The following PNPT1 variants were observed in gnomAD, a reference collection of about 807,000 sequenced individuals.
PNPT1 encodes polyribonucleotide nucleotidyltransferase 1, mitochondrial.
A neutral mutation model predicts 119.5 loss-of-function variants in PNPT1; 53 were observed. The ratio of observed to expected loss-of-function variants is 0.44; its 90% CI spans 0.36 to 0.56. The LOEUF is 0.56. PNPT1 is among the 20% of genes least tolerant of loss of function. The pLI, the probability that PNPT1 is intolerant of heterozygous loss-of-function variation, is 0.00. For synonymous variants in PNPT1, 357 were observed against 322.1 expected (o/e 1.11, Z -1.16); for missense variants, 948 against 938.5 (o/e 1.01, Z -0.13).
rs1324556801 is a variant in PNPT1 at position 55,684,997 on chromosome 2, G to C, written c.349C>G (p.Leu117Val). 6.3e-7 allele frequency: 1 copy of C among 1,595,042 alleles called. No homozygotes were observed. The highest frequency in any genetic ancestry group is 2.2e-5 in the East Asian group (1 of 44,494). Residue 117 changes from leucine to valine, a missense_variant, in exon 4 of 28, where the codon CTG (leucine) becomes GTG (valine). Transcript: ENST00000447944. ...TCAGAAGTACCAATCTCTCTTCTCA[G>C]ATAGTTTGTGGGAATTCTACCTGCT... Reference protein sequence around the residue: ...AAAGRIPTNYLRREIGTSDKE... With the variant: ...AAAGRIPTNYVRREIGTSDKE...
intron 13 of PNPT1, among the ~76,000 whole-genome samples, chr2:55,662,903 C>T (rs1696622934): frequency 6.9e-6 from 1 of 144,166 alleles, no homozygotes; most frequent in African/African-American, 2.6e-5. Flanking sequence ...TTTTTGGAGA[C>T]GGAATCTCAC....
chr2:55,646,117 C>T (rs1572798474), intron 21 of PNPT1, 142 bp downstream of exon 21: 3 of 811,200 alleles, frequency 3.7e-6, no homozygotes, highest in Non-Finnish European at 5.7e-6. Context: ...CATGAGCCAC[C>T]ACACCTGGCC....
intron 13 of PNPT1, among the ~76,000 whole-genome samples, chr2:55,665,945 G>A (rs1696718532): frequency 6.6e-6 from 1 of 152,268 alleles, no homozygotes; most frequent in African/African-American, 2.4e-5. Context: ...ATACAAGAGT[G>A]GGTGCCTATG....
intron 15 of PNPT1, among the ~76,000 whole-genome samples, chr2:55,658,063 C>T (rs540348961): frequency 2.0e-5 from 3 of 151,530 alleles, no homozygotes; most frequent in African/African-American, 4.8e-5. Flanking sequence ...CATGGCAAAA[C>T]CCCATTTTGT....
chr2:55,665,131 G>C (rs888241823), intron 13 of PNPT1, among the ~76,000 whole-genome samples: 1 of 152,060 alleles, frequency 6.6e-6, no homozygotes, highest in Non-Finnish European at 1.5e-5. Context: ...CAATGAAAAA[G>C]GATATAGTTT....
chr2:55,687,616 G>A, intron 2 of PNPT1, 29 bp downstream of exon 2: 1 of 1,523,988 alleles, frequency 6.6e-7, no homozygotes, highest in Non-Finnish European at 8.9e-7. Context: ...CCATTTTTAA[G>A]ATGAATTTTA....
intron 13 of PNPT1, among the ~76,000 whole-genome samples, chr2:55,662,330 C>T (rs977589615): frequency 1.3e-5 from 2 of 152,064 alleles, no homozygotes; most frequent in African/African-American, 2.4e-5. Flanking sequence ...TAGGAGAGTA[C>T]GCTGAGGAAG....
chr2:55,661,091 CTTTTTTTTTTTTTTT>C (rs1171064705), intron 14 of PNPT1, among the ~76,000 whole-genome samples: 1 of 71,598 alleles, frequency 1.4e-5, no homozygotes, highest in Admixed American at 1.8e-4. Context: ...AATAGAGATT[CTTTTTTTTTTTTTTT>C]TTTTTTTTTG....
intron 13 of PNPT1, among the ~76,000 whole-genome samples, chr2:55,664,117 T>G (rs1696662447): frequency 6.6e-6 from 1 of 152,210 alleles, no homozygotes; most frequent in African/African-American, 2.4e-5. Context: ...TGTGGGCCAA[T>G]ATAAAAGCCT....
At chr2:55,669,596 T>A (rs1245919530) in intron 11 of PNPT1, among the ~76,000 whole-genome samples, 1 of 152,248 alleles carries the variant, frequency 6.6e-6, no homozygotes, top group Non-Finnish European at 1.5e-5. Flanking sequence ...GTCGTGAAGA[T>A]ATTCTACTAT....
chr2:55,674,012 C>T (rs1432940309), intron 8 of PNPT1, among the ~76,000 whole-genome samples: 2 of 152,238 alleles, frequency 1.3e-5, no homozygotes, highest in African/African-American at 4.8e-5. Flanking sequence ...CGTGAGCCAC[C>T]GCTCCTGGCA....
At chr2:55,674,343 C>T (rs1697000371) in intron 8 of PNPT1, among the ~76,000 whole-genome samples, 1 of 152,156 alleles carries the variant, frequency 6.6e-6, no homozygotes. Context: ...CCTGTAATCC[C>T]AGCACTTTGG....
chr2:55,683,858 T>A, intron 4 of PNPT1, 24 bp from the exon 5 acceptor site: 1 of 1,610,566 alleles, frequency 6.2e-7, no homozygotes, highest in African/African-American at 1.3e-5. Context: ...AAAAAACACA[T>A]TAAACCGTAC....
chr2:55,659,973 A>G (rs1028222978), intron 15 of PNPT1, among the ~76,000 whole-genome samples, 184 bp downstream of exon 15: 1 of 152,106 alleles, frequency 6.6e-6, no homozygotes, highest in East Asian at 1.9e-4. Context: ...TTGTGGTTGC[A>G]CAAGCCTGTA....
rs551044856 is a variant in PNPT1, at chr2:55,687,513, A to G, written c.222+132T>C. ...GTCTGGAATGATTCTTGCAGTAGAAATTATCTTAGTAGTATCTGAATTAAT... is the reference window on the plus strand; with the variant it reads ...GTCTGGAATGATTCTTGCAGTAGAAGTTATCTTAGTAGTATCTGAATTAAT... On this transcript the variant is annotated intron_variant, in intron 2 of 27. Transcript: ENST00000447944. The G allele has an allele frequency of 2.4e-5, 16 of 656,968 alleles. 1 individual carries two copies. Among genetic ancestry groups the G allele is most frequent in the African/African-American group, 2.0e-4 (11 of 53,702 alleles). 40.7% of individuals were successfully genotyped at this position (656,968 alleles called of 1,614,324 possible).
chr2:55,657,619 C>T lies in PNPT1; in HGVS notation c.1285-1248G>A, dbSNP rs375859494. Among the ~76,000 whole-genome samples, 16 of 151,548 alleles carry T rather than the reference C, an allele frequency of 1.1e-4. No individual in the cohort carries two copies. In the East Asian group the frequency reaches 2.4e-3, roughly 23 times the overall value. ...CAGGCTGGTCTTGAACTCCTGACCT[C>T]AGGTGATCCGCCCGCCTCGGCCTCC... On this transcript the variant is annotated intron_variant, in intron 15 of 27. Coordinates refer to ENST00000447944, the MANE Select transcript of PNPT1 (RefSeq NM_033109.5).
intron 4 of PNPT1, among the ~76,000 whole-genome samples, 182 bp from the exon 5 acceptor site, chr2:55,684,016 AC>A (rs1697324388): frequency 6.6e-6 from 1 of 152,216 alleles, no homozygotes; most frequent in South Asian, 2.1e-4. Flanking sequence ...TGCCCTAACA[AC>A]AAAAAACAAA....
intron 5 of PNPT1, among the ~76,000 whole-genome samples, chr2:55,681,188 C>T (rs2104158475): frequency 6.6e-6 from 1 of 152,080 alleles, no homozygotes; most frequent in African/African-American, 2.4e-5. Flanking sequence ...GGGCGGATCA[C>T]CTGAGGTCAA....
chr2:55,640,610 A>T lies in PNPT1; in HGVS notation c.2148+17T>A, dbSNP rs1427363965. The stretch of plus-strand genomic sequence containing the variant: ...AGGCAGTTATAAAAATAATAACAAT[A>T]ACATCTGTCTTTTTACCTTTCGTTG... On this transcript the variant is annotated intron_variant, in intron 26 of 27. Transcript: ENST00000447944. 1 of 1,542,356 alleles carries T rather than the reference A, an allele frequency of 6.5e-7. No homozygotes were observed. The highest frequency in any genetic ancestry group is 1.4e-5 in the African/African-American group (1 of 73,212).
Sources: allele counts gnomAD v4.1 joint callset (sites outside exome capture counted in the v4.1 genomes callset), GRCh38; gene constraint gnomAD v4.1.1; transcripts MANE v1.5; gene names NCBI Gene and HGNC (gene_info 2026-07-23, HGNC 2026-07-21).